Variants in RGS22 observed in about 807,000 individuals in gnomAD.
RGS22 encodes regulator of G protein signaling 22.
RGS22 carries 148 observed loss-of-function variants against 172.9 expected under a neutral mutation model. That is an observed-to-expected ratio of 0.86 (90% CI 0.75 to 0.98). The LOEUF is 0.98. RGS22 is among the 50% of genes least tolerant of loss of function. RGS22 has a pLI of 0.00. For missense variants in RGS22, 1,347 were observed against 1,440.8 expected, an observed-to-expected ratio of 0.93 and a Z score of 1.05; for synonymous variants, 458 against 480.2, an observed-to-expected ratio of 0.95 and a Z score of 0.60.
intron 14 of RGS22, among the ~76,000 whole-genome samples, chr8:100,014,114 G>T (rs1816704614): frequency 6.6e-6 from 1 of 152,030 alleles, no homozygotes; most frequent in South Asian, 2.1e-4. Context: ...TGGTATAAAT[G>T]CCCTCAACTT....
chr8:100,104,528 G>A (rs1462615147), intron 2 of RGS22, among the ~76,000 whole-genome samples: 1 of 152,034 alleles, frequency 6.6e-6, no homozygotes. Context: ...GCTCTGGAAA[G>A]GTGAATGTGA....
chr8:100,024,721 C>T (rs1180637911), intron 14 of RGS22, among the ~76,000 whole-genome samples: 1 of 152,142 alleles, frequency 6.6e-6, no homozygotes, highest in Non-Finnish European at 1.5e-5. Flanking sequence ...AGTATAGGGT[C>T]TGGAGTCAGA....
Position 99,999,910 on chromosome 8 carries a change from G to A in RGS22, c.2791-490C>T, listed in dbSNP as rs189093477. On this transcript the variant is annotated intron_variant, in intron 18 of 27. Transcript: ENST00000360863. ...ATACGTATATTACCAACAAATGTTG[G>A]GTTGGAGATAGGATGATGGCAGCTG... Among the ~76,000 whole-genome samples, 1,007 of 152,294 alleles carry A rather than the reference G, an allele frequency of 6.6e-3. 6 individuals are homozygous for A. The highest frequency in any genetic ancestry group is 0.013 in the Admixed American group (203 of 15,268).
Position 100,066,153 on chromosome 8 carries a change from C to T in RGS22, c.724+14G>A. ...AGAGAAGTTCTGAAGTCATTCTTGT[C>T]CTTTTCTGCTTACCAGAAACAGATG... is the stretch of plus-strand genomic sequence containing the variant. On this transcript the variant is annotated intron_variant, in intron 7 of 27. Transcript: ENST00000360863. 6.2e-7 allele frequency: 1 copy of T among 1,608,758 alleles called. No homozygotes were observed. Among genetic ancestry groups the T allele is most frequent in the Non-Finnish European group, 8.5e-7 (1 of 1,177,266 alleles).
At chr8:100,018,144 C>T (rs1171952722) in intron 14 of RGS22, among the ~76,000 whole-genome samples, 2 of 151,422 alleles carry the variant, frequency 1.3e-5, no homozygotes, top group South Asian at 2.1e-4. Flanking sequence ...TCAGGAAATG[C>T]ACAATGTGCT....
chr8:100,088,924 G>T (rs1812354527), intron 3 of RGS22, among the ~76,000 whole-genome samples: 1 of 152,006 alleles, frequency 6.6e-6, no homozygotes, highest in South Asian at 2.1e-4. Context: ...TTTTGGTGGG[G>T]ACTGAGGGTA....
At chr8:100,021,723 C>G (rs1318417846) in intron 14 of RGS22, among the ~76,000 whole-genome samples, 3 of 151,196 alleles carry the variant, frequency 2.0e-5, no homozygotes, top group Admixed American at 2.0e-4. Context: ...CTCAATAACT[C>G]TATGCTTGGA....
intron 20 of RGS22, among the ~76,000 whole-genome samples, chr8:99,994,891 C>T (rs2131291826): frequency 6.6e-6 from 1 of 152,296 alleles, no homozygotes; most frequent in African/African-American, 2.4e-5. Context: ...GTAACCAAAA[C>T]AGCATGGTAC....
At chr8:99,997,913 A>AGATG (rs1205576946) in intron 19 of RGS22, among the ~76,000 whole-genome samples, 1 of 152,214 alleles carries the variant, frequency 6.6e-6, no homozygotes, top group African/African-American at 2.4e-5. Context: ...AAACATAAAC[A>AGATG]GATGGATGGA....
chr8:99,998,002 T>C (rs1814575013), intron 19 of RGS22, among the ~76,000 whole-genome samples: 1 of 152,312 alleles, frequency 6.6e-6, no homozygotes, highest in South Asian at 2.1e-4. Context: ...TGCATCCTGC[T>C]TGTTTTGTTC....
At chr8:100,070,092 A>C (rs957140771) in intron 6 of RGS22, among the ~76,000 whole-genome samples, 3 of 151,634 alleles carry the variant, frequency 2.0e-5, no homozygotes, top group Non-Finnish European at 4.4e-5. Context: ...TAACGAATCT[A>C]AGTGATAAAT....
chr8:100,073,238 T>C (rs1020841932), intron 4 of RGS22, among the ~76,000 whole-genome samples: 7 of 152,182 alleles, frequency 4.6e-5, no homozygotes, highest in African/African-American at 1.4e-4. Flanking sequence ...TGATATTGCA[T>C]AAGAGTTAAC....
At chr8:100,078,675 G>C (rs1443807654) in intron 4 of RGS22, among the ~76,000 whole-genome samples, 1 of 151,754 alleles carries the variant, frequency 6.6e-6, no homozygotes, top group Non-Finnish European at 1.5e-5. Flanking sequence ...GGCTAGACTG[G>C]AATGCAGTGG....
intron 22 of RGS22, among the ~76,000 whole-genome samples, chr8:99,981,277 T>G (rs1812520330): frequency 6.6e-6 from 1 of 152,354 alleles, no homozygotes; most frequent in Admixed American, 6.5e-5. Context: ...ACAATTTTCC[T>G]TTCATGAGTT....
intron 14 of RGS22, among the ~76,000 whole-genome samples, chr8:100,025,169 G>A (rs1404944278): frequency 2.0e-5 from 3 of 152,198 alleles, no homozygotes; most frequent in Non-Finnish European, 4.4e-5. Flanking sequence ...AAAGCTGGCT[G>A]CTGTGCTTGT....
intron 10 of RGS22, among the ~76,000 whole-genome samples, chr8:100,051,684 TATATATATTTATATATACGTATATATAA>T (rs1378665166): frequency 0.015 from 442 of 29,836 alleles, 142 homozygotes; most frequent in African/African-American, 0.11. Context: ...TGTTTATACA[TATATATATTTATATATACGTATATATAA>T]ATATATATTT....
intron 22 of RGS22, among the ~76,000 whole-genome samples, chr8:99,981,271 T>C (rs1242637576): frequency 6.6e-6 from 1 of 152,214 alleles, no homozygotes; most frequent in South Asian, 2.1e-4. Context: ...ACAGGCACAA[T>C]TTTCCTTTCA....
chr8:100,040,087 C>G lies in RGS22; in HGVS notation c.1939G>C (p.Val647Leu). Residue 647 changes from valine to leucine, a missense_variant and splice_region_variant, in exon 13 of 28, where the codon GTT (valine) becomes CTT (leucine). Val to Leu is a conservative substitution (Grantham distance 32, BLOSUM62 1). Coordinates refer to ENST00000360863, the MANE Select transcript of RGS22 (RefSeq NM_015668.5). ...RRYAYTEEPR[V>L]KTVSDVGALG... ...GCACCAACATCTGACACGGTTTTAACCTAGATAACAAAACAGAAGTCTATT... is the reference window on the plus strand; with the variant it reads ...GCACCAACATCTGACACGGTTTTAAGCTAGATAACAAAACAGAAGTCTATT... 1 of 1,606,698 alleles carries G rather than the reference C, an allele frequency of 6.2e-7. No homozygotes were observed. Among genetic ancestry groups the G allele is most frequent in the East Asian group, 2.2e-5 (1 of 44,492 alleles).
At chr8:100,098,803 G>T (rs3116085) in intron 2 of RGS22, among the ~76,000 whole-genome samples, 17,558 of 149,358 alleles carry the variant, frequency 0.12, 1,278 homozygotes, top group African/African-American at 0.16. Flanking sequence ...GGTGAAGGAA[G>T]CTCTGGATGC....
Sources: allele counts gnomAD v4.1 joint callset (sites outside exome capture counted in the v4.1 genomes callset), GRCh38; gene constraint gnomAD v4.1.1; transcripts MANE v1.5; gene names NCBI Gene and HGNC (gene_info 2026-07-23, HGNC 2026-07-21).